The following TDRP variants were observed in gnomAD, a reference collection of about 807,000 sequenced individuals.
TDRP encodes testis development related protein.
In TDRP, 12 loss-of-function variants were observed where a neutral mutation model predicts 10.5. That is an observed-to-expected ratio of 1.15 (90% CI 0.73 to 1.86). The LOEUF (loss-of-function observed/expected upper bound fraction) is 1.86, where lower values mean the gene tolerates loss of function less well. Ranked by LOEUF, TDRP falls within the 40% of genes most tolerant of loss-of-function variation. The pLI, the probability that TDRP is intolerant of heterozygous loss-of-function variation, is 0.00. For synonymous variants in TDRP, 139 were observed against 95.4 expected (o/e 1.46, Z -2.67); for missense variants, 353 against 229.2 (o/e 1.54, Z -3.49).
intron 1 of TDRP, among the ~76,000 whole-genome samples, chr8:511,081 C>T (rs1211037412): frequency 1.3e-5 from 2 of 152,086 alleles, no homozygotes; most frequent in Non-Finnish European, 2.9e-5. Flanking sequence ...AAAATGAAGG[C>T]ATGAGACATA....
Position 543,075 on chromosome 8 carries a change from A to G in TDRP, c.108+1575T>C, listed in dbSNP as rs189817051. 2.4e-3 allele frequency among the ~76,000 whole-genome samples: 372 copies of G among 152,274 alleles called. 2 individuals are homozygous for G. Among genetic ancestry groups the G allele is most frequent in the African/African-American group, 7.6e-3 (315 of 41,570 alleles). On this transcript the variant is annotated intron_variant, in intron 1 of 2. Coordinates refer to ENST00000324079, the MANE Select transcript of TDRP (RefSeq NM_001384899.1). ...GTGATCCTAGTACCTTGGGAGGCTG[A>G]GGCGGGCGGATCACGTGAGCCCAGG...
chr8:512,837 T>G (rs867954453), intron 1 of TDRP, among the ~76,000 whole-genome samples: 12 of 148,244 alleles, frequency 8.1e-5, no homozygotes, highest in African/African-American at 3.2e-4. Flanking sequence ...CTGGGCATGG[T>G]GGCATGTGCC....
At chr8:519,316 G>C (rs947357714) in intron 1 of TDRP, among the ~76,000 whole-genome samples, 3 of 152,130 alleles carry the variant, frequency 2.0e-5, no homozygotes, top group African/African-American at 2.4e-5. Context: ...ATCCTTTCAA[G>C]TGACCAGCAA....
chr8:543,591 A>G (rs1802557321), intron 1 of TDRP, among the ~76,000 whole-genome samples: 1 of 152,032 alleles, frequency 6.6e-6, no homozygotes, highest in Non-Finnish European at 1.5e-5. Flanking sequence ...AACGCTACCT[A>G]AAAGAAATTT....
chr8:496,989 A>C (rs1255788000), intron 1 of TDRP, among the ~76,000 whole-genome samples: 1 of 152,244 alleles, frequency 6.6e-6, no homozygotes, highest in East Asian at 1.9e-4. Flanking sequence ...AGCCATACAG[A>C]ACTGTAAGTC....
chr8:518,672 A>T (rs1801818133), intron 1 of TDRP, among the ~76,000 whole-genome samples: 1 of 152,194 alleles, frequency 6.6e-6, no homozygotes, highest in Non-Finnish European at 1.5e-5. Flanking sequence ...CCATAAAGGA[A>T]CTAAAAGAAT....
intron 1 of TDRP, among the ~76,000 whole-genome samples, chr8:497,263 G>A (rs1801161229): frequency 6.6e-6 from 1 of 152,224 alleles, no homozygotes; most frequent in African/African-American, 2.4e-5. Flanking sequence ...CAGTGATACA[G>A]ACAATGAAGT....
At chr8:544,071 T>A (rs1405649491) in intron 1 of TDRP, among the ~76,000 whole-genome samples, 4 of 152,172 alleles carry the variant, frequency 2.6e-5, no homozygotes, top group Non-Finnish European at 5.9e-5. Context: ...ACAAAGGACT[T>A]CTGCCGGCTT....
At chr8:519,306 ATCCTT>A (rs1348481695) in intron 1 of TDRP, among the ~76,000 whole-genome samples, 3 of 152,074 alleles carry the variant, frequency 2.0e-5, no homozygotes, top group African/African-American at 7.2e-5. Flanking sequence ...CCTCCGCTGT[ATCCTT>A]TCAAGTGACC....
chr8:526,669 G>A (rs1033609085), intron 1 of TDRP, among the ~76,000 whole-genome samples: 3 of 151,938 alleles, frequency 2.0e-5, no homozygotes, highest in Admixed American at 6.6e-5. Context: ...TCTCTTTTTG[G>A]TATGTCTTAG....
rs144960113 is a variant in TDRP at position 505,756 on chromosome 8, C to T, written c.109-11159G>A. 2.0e-3 allele frequency among the ~76,000 whole-genome samples: 298 copies of T among 152,322 alleles called. 1 individual carries two copies. The highest frequency in any genetic ancestry group is 3.3e-3 in the Non-Finnish European group (225 of 68,034). On this transcript the variant is annotated intron_variant, in intron 1 of 2. Transcript: ENST00000324079. Reference sequence around the variant, plus strand: ...GGCTTGTGTATACCAGAAGAGAAATCGTGAGCTGCTGTGTAAACACCCTCC... The same window carrying T: ...GGCTTGTGTATACCAGAAGAGAAATTGTGAGCTGCTGTGTAAACACCCTCC...
chr8:507,208 T>C (rs1206035590), intron 1 of TDRP, among the ~76,000 whole-genome samples: 1 of 152,040 alleles, frequency 6.6e-6, no homozygotes, highest in Non-Finnish European at 1.5e-5. Flanking sequence ...GCCCCCATAA[T>C]CCAATCACTT....
At chr8:521,383 C>T (rs914902417) in intron 1 of TDRP, among the ~76,000 whole-genome samples, 2 of 149,048 alleles carry the variant, frequency 1.3e-5, no homozygotes, top group Admixed American at 1.4e-4. Flanking sequence ...CACCACTGCA[C>T]TCCAGCCTGG....
chr8:514,629 G>C (rs1281657353), intron 1 of TDRP, among the ~76,000 whole-genome samples: 2 of 152,142 alleles, frequency 1.3e-5, no homozygotes, highest in African/African-American at 4.8e-5. Flanking sequence ...ACCACCCTGT[G>C]ACTGCCGGAT....
At chr8:504,388 C>T (rs552659303) in intron 1 of TDRP, among the ~76,000 whole-genome samples, 1 of 152,210 alleles carries the variant, frequency 6.6e-6, no homozygotes, top group African/African-American at 2.4e-5. Flanking sequence ...AGCAATAAAG[C>T]ATTCACTTCA....
rs760349319 is a variant in TDRP, at chr8:490,213, A to G, written c.*2186T>C. On this transcript the variant is annotated 3_prime_UTR_variant, in exon 3 of 3. Coordinates refer to ENST00000324079, the MANE Select transcript of TDRP (RefSeq NM_001384899.1). ...AATTTTTCTCCCAAAGCACACCAAT[A>G]AATATTTATATTAAAAACCACAGTT... The G allele has an allele frequency of 2.6e-5, 4 of 152,224 alleles. No individual in the cohort carries two copies. The highest frequency in any genetic ancestry group is 4.8e-5 in the African/African-American group (2 of 41,456). 9.4% of individuals were successfully genotyped at this position (152,224 alleles called of 1,614,324 possible).
chr8:500,417 C>G (rs1801258363), intron 1 of TDRP, among the ~76,000 whole-genome samples: 1 of 152,168 alleles, frequency 6.6e-6, no homozygotes, highest in South Asian at 2.1e-4. Flanking sequence ...CAGATCCTGT[C>G]CATGAGCACA....
At chr8:544,981 A>G (rs1563136372), upstream of TDRP, 2 of 285,452 alleles carry the variant, frequency 7.0e-6, no homozygotes, top group Non-Finnish European at 1.2e-5. Flanking sequence ...CCATCCCCAG[A>G]ACCAGGCCCG....
At chr8:543,382 AG>A (rs1386480448) in intron 1 of TDRP, among the ~76,000 whole-genome samples, 1 of 152,218 alleles carries the variant, frequency 6.6e-6, no homozygotes, top group Non-Finnish European at 1.5e-5. Context: ...GGGAGAACAT[AG>A]GAAGACTCAG....
Sources: allele counts gnomAD v4.1 joint callset (sites outside exome capture counted in the v4.1 genomes callset), GRCh38; gene constraint gnomAD v4.1.1; transcripts MANE v1.5; gene names NCBI Gene and HGNC (gene_info 2026-07-23, HGNC 2026-07-21).